The following RABGAP1L variants were observed in gnomAD, a reference collection of about 807,000 sequenced individuals.
The protein encoded by RABGAP1L is rab GTPase-activating protein 1-like.
In RABGAP1L, 63 loss-of-function variants were observed where a neutral mutation model predicts 137.7. That is an observed-to-expected ratio of 0.46 (90% CI 0.37 to 0.56). The LOEUF is 0.56. Ranked by LOEUF, RABGAP1L falls within the 20% of genes least tolerant of loss-of-function variation. RABGAP1L has a pLI of 0.00. For synonymous variants in RABGAP1L, 431 were observed against 433.7 expected, an observed-to-expected ratio of 0.99 and a Z score of 0.08; for missense variants, 1,095 against 1,244.0, an observed-to-expected ratio of 0.88 and a Z score of 1.80.
At chr1:174,607,085 A>T (rs1219452785) in intron 13 of RABGAP1L, among the ~76,000 whole-genome samples, 1 of 152,140 alleles carries the variant, frequency 6.6e-6, no homozygotes, top group Non-Finnish European at 1.5e-5. Context: ...TTTTTGTTTC[A>T]TATAATTAAG....
chr1:174,962,703 A>G (rs1371056418), intron 20 of RABGAP1L, among the ~76,000 whole-genome samples: 3 of 152,032 alleles, frequency 2.0e-5, no homozygotes, highest in Non-Finnish European at 2.9e-5. Flanking sequence ...TTAAATTAGT[A>G]TACATTTCTT....
chr1:174,904,583 C>T (rs908846794), intron 19 of RABGAP1L, among the ~76,000 whole-genome samples: 2 of 152,142 alleles, frequency 1.3e-5, no homozygotes, highest in African/African-American at 2.4e-5. Context: ...AAAGGAGATG[C>T]CACATAAAAG....
intron 13 of RABGAP1L, among the ~76,000 whole-genome samples, chr1:174,578,294 C>G (rs868321128): frequency 6.6e-6 from 1 of 152,286 alleles, no homozygotes; most frequent in Middle Eastern, 3.4e-3. Context: ...AAGCAGTCCT[C>G]CTGCCTCAGC....
intron 10 of RABGAP1L, among the ~76,000 whole-genome samples, chr1:174,301,483 T>C (rs1677703278): frequency 6.6e-6 from 1 of 151,584 alleles, no homozygotes; most frequent in African/African-American, 2.4e-5. Context: ...AGCTGCCCTC[T>C]GCCAGCAGAG....
At chr1:174,632,353 A>G (rs1338880399) in intron 13 of RABGAP1L, among the ~76,000 whole-genome samples, 3 of 146,406 alleles carry the variant, frequency 2.0e-5, no homozygotes, top group Non-Finnish European at 4.5e-5. Context: ...ACTTTGGTGA[A>G]TCTGAGAATT....
intron 11 of RABGAP1L, among the ~76,000 whole-genome samples, chr1:174,330,917 A>G (rs1231130739): frequency 6.6e-6 from 1 of 152,224 alleles, no homozygotes; most frequent in Non-Finnish European, 1.5e-5. Flanking sequence ...TGGAGACATC[A>G]TGCTACCTGA....
chr1:174,779,473 C>G (rs1451049947), intron 18 of RABGAP1L, among the ~76,000 whole-genome samples: 2 of 152,190 alleles, frequency 1.3e-5, no homozygotes, highest in Non-Finnish European at 2.9e-5. Context: ...CCTAGGAGAG[C>G]AAGTGAAGTT....
At position 174,995,221 on chromosome 1, in the gene RABGAP1L, CTG is replaced by C. The variant is rs1300231997; in HGVS notation, c.*5222_*5223del. On this transcript the variant is annotated 3_prime_UTR_variant, in exon 26 of 26. Coordinates refer to ENST00000681986, the MANE Select transcript of RABGAP1L (RefSeq NM_001366446.1). ...TGCAACTGAGAAGGTAACAAGGTGACTGTTTTTGTGAGCCAGTGATGTTTTCA... is the reference window on the plus strand; with the variant it reads ...TGCAACTGAGAAGGTAACAAGGTGACTTTTTGTGAGCCAGTGATGTTTTCA... 2 of 152,228 alleles carry C rather than the reference CTG, an allele frequency of 1.3e-5. No individual in the cohort carries two copies. The highest frequency in any genetic ancestry group is 4.8e-5 in the African/African-American group (2 of 41,468). 9.4% of individuals were successfully genotyped at this position (152,228 alleles called of 1,614,324 possible).
intron 19 of RABGAP1L, among the ~76,000 whole-genome samples, chr1:174,882,416 G>T (rs1026581003): frequency 1.3e-5 from 2 of 152,114 alleles, no homozygotes; most frequent in Admixed American, 6.5e-5. Context: ...GTAGGAATCT[G>T]TAGTAAAATA....
intron 11 of RABGAP1L, among the ~76,000 whole-genome samples, chr1:174,354,132 G>C (rs1683418059): frequency 6.6e-6 from 1 of 152,028 alleles, no homozygotes; most frequent in Non-Finnish European, 1.5e-5. Flanking sequence ...TTAGAGATGG[G>C]CTCTAACATC....
intron 17 of RABGAP1L, among the ~76,000 whole-genome samples, chr1:174,750,360 C>T (rs1684251113): frequency 1.1e-4 from 1 of 8,724 alleles, no homozygotes; most frequent in African/African-American, 1.9e-3. Context: ...GTGATCTGAA[C>T]TATTTTTTTC....
At chr1:174,263,172 C>T (rs1673746544) in intron 7 of RABGAP1L, among the ~76,000 whole-genome samples, 1 of 152,240 alleles carries the variant, frequency 6.6e-6, no homozygotes, top group Non-Finnish European at 1.5e-5. Flanking sequence ...TGCCCACCTG[C>T]CTGCCAGCCT....
At position 174,386,013 on chromosome 1, in the gene RABGAP1L, A is replaced by G. The variant is rs576187949; in HGVS notation, c.1560-7982A>G. ...TGTATGTTGTTAGAAAGGATGTAAC[A>G]GAAAATTTGATAGTGTCAGAGAAAG... On this transcript the variant is annotated intron_variant, in intron 12 of 25. Transcript: ENST00000681986. Among the ~76,000 whole-genome samples, 3 of 135,808 alleles carry G rather than the reference A, an allele frequency of 2.2e-5. No homozygotes were observed. The South Asian group carries it at 6.2e-4, about 28-fold the overall frequency. The allele number at this position is 135,808 out of a possible 152,430, so 89.1% of individuals were successfully genotyped here.
chr1:174,875,811 A>G lies in RABGAP1L; in HGVS notation c.2340+63851A>G, dbSNP rs142691618. ...GTCAGGATAAATGTGCAGGAAAAAA[A>G]TGTTAACGAAAATAATGCTTAACAG... is the stretch of plus-strand genomic sequence containing the variant. On this transcript the variant is annotated intron_variant, in intron 19 of 25. Transcript: ENST00000681986. The G allele has an allele frequency of 3.4e-4, 232 of 675,966 alleles. 1 individual carries two copies. Among genetic ancestry groups the G allele is most frequent in the African/African-American group, 2.4e-3 (123 of 51,128 alleles). 41.9% of individuals were successfully genotyped at this position (675,966 alleles called of 1,614,324 possible).
chr1:174,416,020 A>ATATATATAT (rs1491368679), intron 13 of RABGAP1L, among the ~76,000 whole-genome samples: 2 of 87,742 alleles, frequency 2.3e-5, no homozygotes, highest in African/African-American at 1.4e-4. Context: ...GAAAATTTAC[A>ATATATATAT]TATATATATA....
chr1:174,673,730 C>T (rs1260559661), intron 14 of RABGAP1L, among the ~76,000 whole-genome samples: 4 of 151,986 alleles, frequency 2.6e-5, no homozygotes, highest in African/African-American at 4.8e-5. Context: ...CTTCATTGTG[C>T]TTTTATAAAA....
chr1:174,434,641 CTTTTAG>C (rs1653047190), intron 13 of RABGAP1L, among the ~76,000 whole-genome samples: 1 of 152,102 alleles, frequency 6.6e-6, no homozygotes, highest in Non-Finnish European at 1.5e-5. Flanking sequence ...TACTGTCAGT[CTTTTAG>C]TTTTAGCCAT....
At chr1:174,982,186 A>G (rs992683802) in intron 23 of RABGAP1L, among the ~76,000 whole-genome samples, 1 of 152,096 alleles carries the variant, frequency 6.6e-6, no homozygotes, top group African/African-American at 2.4e-5. Context: ...CAGAACATGC[A>G]GTTTTGTTAC....
At chr1:174,331,115 T>C (rs576670420) in intron 11 of RABGAP1L, among the ~76,000 whole-genome samples, 1 of 152,292 alleles carries the variant, frequency 6.6e-6, no homozygotes, top group South Asian at 2.1e-4. Flanking sequence ...TAAATGGAAC[T>C]GGGAAAACTG....
Sources: gnomAD v4.1 joint callset for allele counts (sites outside exome capture counted in the v4.1 genomes callset) on GRCh38, gnomAD v4.1.1 for gene constraint, MANE v1.5 for transcripts, NCBI Gene and HGNC (gene_info 2026-07-23, HGNC 2026-07-21) for gene names.